Variants in RGPD4 observed in about 807,000 individuals in gnomAD.
The protein encoded by RGPD4 is RANBP2 like and GRIP domain containing 4, also known as ranBP2-like and GRIP domain-containing protein 4.
A neutral mutation model predicts 141.1 loss-of-function variants in RGPD4; 84 were observed. The ratio of observed to expected loss-of-function variants is 0.60; its 90% confidence interval spans 0.50 to 0.71. The LOEUF is 0.71. Among genes scored for constraint, RGPD4 ranks in the 30% least tolerant of loss-of-function variants. The pLI is 0.00. For synonymous variants in RGPD4, 298 were observed against 566.8 expected (o/e 0.53, Z 6.74); for missense variants, 918 against 1,622.4 (o/e 0.57, Z 7.46).
At chr2:107,828,518 G>T (rs867992253) in intron 1 of RGPD4, among the ~76,000 whole-genome samples, 30 of 100,868 alleles carry the variant, frequency 3.0e-4, no homozygotes, top group African/African-American at 5.9e-4. Context: ...GCCCGGCGGC[G>T]GCCTCGATGG....
rs4123306 is a variant in RGPD4, at chr2:107,859,502, A to G, written c.1582A>G (p.Arg528Gly). 0.65 allele frequency: 1,040,425 copies of G among 1,593,634 alleles called. 332,368 individuals carry two copies. Among genetic ancestry groups the G allele is most frequent in the Middle Eastern group, 0.73 (3,184 of 4,388 alleles). The change falls in exon 11 of 23, where the codon AGA (arginine) becomes GGA (glycine). Residue 528 changes from arginine to glycine, a missense_variant. By Grantham distance (125) the Arg-to-Gly change is moderately radical (BLOSUM62 -2). Coordinates refer to ENST00000408999, the MANE Select transcript of RGPD4 (RefSeq NM_182588.3). ...LPVCKQLCTERQKSWWDAVCT... is the reference protein window; with the variant it reads ...LPVCKQLCTEGQKSWWDAVCT... ...TGTATGTAAACAGCTTTGTACAGAA[A>G]GACAAAAATCTTGGTGGGATGCGGT...
At chr2:107,883,927 G>C (rs1675438417) in intron 22 of RGPD4, among the ~76,000 whole-genome samples, 1 of 152,140 alleles carries the variant, frequency 6.6e-6, no homozygotes, top group Non-Finnish European at 1.5e-5. Context: ...GGGAGAGTTA[G>C]AGACTTAAAT....
intron 1 of RGPD4, 44 bp downstream of exon 1, chr2:107,827,129 C>G: frequency 6.5e-7 from 1 of 1,528,630 alleles, no homozygotes; most frequent in East Asian, 2.4e-5. Flanking sequence ...CCTGGCCGGG[C>G]GGCGGAGGCC....
At position 107,826,992 on chromosome 2, in the gene RGPD4, C is replaced by G. The variant is rs199892051; in HGVS notation, c.-22C>G. On this transcript the variant is annotated 5_prime_UTR_variant, in exon 1 of 23. Transcript: ENST00000408999. ...GGCTGAGCGCTGGTTTCACGCGTCTCGGGAGCCAGGTTGGTGGCGCGATGA... is the reference window on the plus strand; with the variant it reads ...GGCTGAGCGCTGGTTTCACGCGTCTGGGGAGCCAGGTTGGTGGCGCGATGA... The G allele has an allele frequency of 1.0e-3, 1,651 of 1,591,610 alleles. 9 individuals carry two copies. The African/African-American group carries it at 0.01, about 10-fold the overall frequency.
chr2:107,876,791 A>C (rs1683103841), intron 20 of RGPD4, among the ~76,000 whole-genome samples: 1 of 151,982 alleles, frequency 6.6e-6, no homozygotes, highest in East Asian at 1.9e-4. Context: ...AGAATCAACA[A>C]AGGAAGTAAT....
intron 1 of RGPD4, among the ~76,000 whole-genome samples, chr2:107,831,159 A>G (rs1267476059): frequency 9.2e-6 from 1 of 108,376 alleles, no homozygotes; most frequent in Non-Finnish European, 2.1e-5. Flanking sequence ...CCTGTGTGAC[A>G]GAGCGAGACT....
At chr2:107,831,204 A>G (rs954329019) in intron 1 of RGPD4, among the ~76,000 whole-genome samples, 13 of 147,014 alleles carry the variant, frequency 8.8e-5, no homozygotes, top group African/African-American at 3.0e-4. Flanking sequence ...AAAAAAATAT[A>G]TAATTCTTTC....
intron 22 of RGPD4, 140 bp downstream of exon 22, chr2:107,883,013 A>G (rs914410470): frequency 6.3e-5 from 69 of 1,087,396 alleles, no homozygotes; most frequent in South Asian, 1.1e-4. Context: ...CCGTGACTAG[A>G]TTTGAAAAGC....
rs967369850 is a variant in RGPD4 at position 107,857,599 on chromosome 2, A to AT, written c.1276+641dup. 2.0e-4 allele frequency among the ~76,000 whole-genome samples: 30 copies of AT among 149,924 alleles called. No individual in the cohort carries two copies. The East Asian group carries it at 3.2e-3, about 16-fold the overall frequency. On this transcript the variant is annotated intron_variant, in intron 9 of 22. Coordinates refer to ENST00000408999, the MANE Select transcript of RGPD4 (RefSeq NM_182588.3). ...AGGCACATGCCACTCGGCCCAGATAATTTTTTTTTTTAATTGGTAGAGACA... is the reference window on the plus strand; with the variant it reads ...AGGCACATGCCACTCGGCCCAGATAATTTTTTTTTTTTAATTGGTAGAGACA...
chr2:107,856,603 T>G (rs1341159829), intron 8 of RGPD4, among the ~76,000 whole-genome samples, 157 bp from the exon 9 acceptor site: 1 of 149,618 alleles, frequency 6.7e-6, no homozygotes, highest in Non-Finnish European at 1.5e-5. Flanking sequence ...ATTTGCTACA[T>G]AAGCACCCGT....
At position 107,845,630 on chromosome 2, in the gene RGPD4, C is replaced by T. The variant is rs1169523436; in HGVS notation, c.782+1900C>T. Among the ~76,000 whole-genome samples the T allele has an allele frequency of 2.0e-5, 3 of 152,396 alleles. No homozygotes were observed. In the East Asian group the frequency reaches 5.8e-4, roughly 29 times the overall value. The stretch of plus-strand genomic sequence containing the variant: ...ATCAGTTAATCAGGACTCATGGGCC[C>T]TTTGTTACCCGCCTTGTGAACCTCC... On this transcript the variant is annotated intron_variant, in intron 6 of 22. Transcript: ENST00000408999.
At chr2:107,884,894 C>T (rs571043934) in intron 22 of RGPD4, among the ~76,000 whole-genome samples, 3 of 152,026 alleles carry the variant, frequency 2.0e-5, no homozygotes, top group African/African-American at 4.8e-5. Flanking sequence ...ACCTTGAAAA[C>T]CCCTGGTCTA....
chr2:107,845,535 A>G (rs1330304455), intron 6 of RGPD4, among the ~76,000 whole-genome samples: 3 of 151,536 alleles, frequency 2.0e-5, no homozygotes, highest in Admixed American at 2.0e-4. Context: ...TGAGGAAGAT[A>G]AAAAGCTGGT....
chr2:107,855,833 G>A (rs1342847772), intron 8 of RGPD4, among the ~76,000 whole-genome samples: 10 of 83,084 alleles, frequency 1.2e-4, no homozygotes, highest in East Asian at 6.7e-4. Context: ...CTTGGCAACC[G>A]CTAATCTGTC....
Position 107,853,448 on chromosome 2 carries a change from TC to T in RGPD4, c.979-1106del, listed in dbSNP as rs201576484. Reference sequence around the variant, plus strand: ...ATTCTATTCATCATGCTTTTTTTTTTCCATAGGTTATTGCATGAGGATCTCT... The same window carrying T: ...ATTCTATTCATCATGCTTTTTTTTTTCATAGGTTATTGCATGAGGATCTCT... On this transcript the variant is annotated intron_variant, in intron 7 of 22. Transcript: ENST00000408999. Among the ~76,000 whole-genome samples the T allele has an allele frequency of 7.8e-3, 1,120 of 143,654 alleles. 18 individuals carry two copies. The highest frequency in any genetic ancestry group is 0.025 in the African/African-American group (977 of 38,652). 94.2% of individuals were successfully genotyped at this position (143,654 alleles called of 152,430 possible). A position where few individuals can be genotyped will look rare whatever the true frequency, so the allele number is the denominator to read the frequency against.
intron 1 of RGPD4, among the ~76,000 whole-genome samples, chr2:107,829,597 T>C (rs1681390635): frequency 1.3e-5 from 2 of 150,270 alleles, no homozygotes; most frequent in South Asian, 4.2e-4. Flanking sequence ...CGACGGGCGC[T>C]GCTCCCAGGC....
intron 16 of RGPD4, 26 bp from the exon 17 acceptor site, chr2:107,862,922 CT>C (rs1558808136): frequency 6.2e-7 from 1 of 1,608,186 alleles, no homozygotes; most frequent in South Asian, 1.1e-5. Context: ...TTTAAATGCT[CT>C]TTTGTGATTT....
At chr2:107,880,306 C>T (rs1472263143) in intron 21 of RGPD4, among the ~76,000 whole-genome samples, 199 bp downstream of exon 21, 2 of 117,190 alleles carry the variant, frequency 1.7e-5, no homozygotes, top group Non-Finnish European at 3.3e-5. Flanking sequence ...CTTTGTCACG[C>T]AGGCTGGAGT....
At chr2:107,827,155 G>A (rs564502239) in intron 1 of RGPD4, 70 bp downstream of exon 1, 9 of 549,220 alleles carry the variant, frequency 1.6e-5, no homozygotes, top group Non-Finnish European at 1.9e-5. Flanking sequence ...CTGGCCCGGC[G>A]GCGGCCTCGA....
Sources: allele counts gnomAD v4.1 joint callset (sites outside exome capture counted in the v4.1 genomes callset), GRCh38; gene constraint gnomAD v4.1.1; transcripts MANE v1.5; gene names NCBI Gene and HGNC (gene_info 2026-07-23, HGNC 2026-07-21).